PALLD: variants seen among roughly 807,000 people sequenced by gnomAD.
PALLD encodes the protein palladin.
PALLD carries 61 observed loss-of-function variants against 123.5 expected under a neutral mutation model. The observed-to-expected ratio is 0.49, with a 90% confidence interval of 0.40 to 0.61. PALLD has a LOEUF of 0.61. PALLD is among the 20% of genes least tolerant of loss of function. The probability of loss-of-function intolerance (pLI) is 0.00; values close to 1 mark genes in which losing one functional copy is unlikely to be tolerated. For synonymous variants in PALLD, 465 were observed against 496.4 expected (o/e 0.94, Z 0.84); for missense variants, 1,273 against 1,377.0 (o/e 0.92, Z 1.20).
At chr4:168,893,520 A>G (rs6841105) in intron 11 of PALLD, among the ~76,000 whole-genome samples, 105,626 of 151,674 alleles carry the variant, frequency 0.7, 38,148 homozygotes, top group East Asian at 0.96. Context: ...GCTTCCAATC[A>G]AATTTGCATT....
intron 6 of PALLD, chr4:168,686,596 T>G (rs1183429475): frequency 6.6e-6 from 1 of 152,364 alleles, no homozygotes; most frequent in African/African-American, 2.4e-5. Context: ...ATAGTGTATA[T>G]GAGCCACATT....
intron 10 of PALLD, among the ~76,000 whole-genome samples, chr4:168,758,347 G>T (rs1388352803): frequency 6.6e-6 from 1 of 152,140 alleles, no homozygotes; most frequent in Admixed American, 6.5e-5. Flanking sequence ...TTCCCATACA[G>T]ATCCAAAATG....
intron 2 of PALLD, among the ~76,000 whole-genome samples, chr4:168,518,223 C>T (rs1763184423): frequency 6.6e-6 from 1 of 152,184 alleles, no homozygotes; most frequent in South Asian, 2.1e-4. Context: ...CTGACCACTT[C>T]ACCCCACCTC....
At chr4:168,592,011 A>T in intron 2 of PALLD, among the ~76,000 whole-genome samples, 1 of 140,128 alleles carries the variant, frequency 7.1e-6, no homozygotes, top group East Asian at 2.1e-4. Flanking sequence ...TCTTAGTACT[A>T]TTATGGATTT....
In PALLD at chr4:168,787,886, T is replaced by C. The variant is rs570726394; in HGVS notation, c.1964+75963T>C. Among the ~76,000 whole-genome samples, 14 of 152,352 alleles carry C rather than the reference T, an allele frequency of 9.2e-5. No homozygotes were observed. In the South Asian group the frequency reaches 1.0e-3, roughly 11 times the overall value. On this transcript the variant is annotated intron_variant, in intron 10 of 21. Transcript: ENST00000505667. ...TCAAAGGGCCAACATTACACACTTA[T>C]GTATGTTTATATAAATTTGGTTAAA... is the stretch of plus-strand genomic sequence containing the variant.
At chr4:168,636,925 G>A (rs919197632) in intron 2 of PALLD, among the ~76,000 whole-genome samples, 4 of 152,096 alleles carry the variant, frequency 2.6e-5, no homozygotes, top group Admixed American at 2.6e-4. Flanking sequence ...TCAGCCCTGA[G>A]ATCAATATCT....
chr4:168,658,075 A>G (rs1778760128), intron 2 of PALLD, among the ~76,000 whole-genome samples: 1 of 152,152 alleles, frequency 6.6e-6, no homozygotes, highest in African/African-American at 2.4e-5. Flanking sequence ...CAAAACAACG[A>G]CGAACCCCAG....
chr4:168,602,570 C>G (rs1374396976), intron 2 of PALLD, among the ~76,000 whole-genome samples: 1 of 152,206 alleles, frequency 6.6e-6, no homozygotes, highest in Non-Finnish European at 1.5e-5. Flanking sequence ...GCAGGCTGAA[C>G]TCTAGCTCTG....
chr4:168,597,670 T>C lies in PALLD; in HGVS notation c.909-70520T>C, dbSNP rs951597735. Among the ~76,000 whole-genome samples the C allele has an allele frequency of 2.6e-5, 4 of 152,128 alleles. No homozygotes were observed. In the South Asian group the frequency reaches 8.3e-4, roughly 31 times the overall value. ...GGTTGGTCAAAAGAAAATTTTTTAT[T>C]TTTGATATTTGAAAAAGTTTCTTTT... is the stretch of plus-strand genomic sequence containing the variant. On this transcript the variant is annotated intron_variant, in intron 2 of 21. Coordinates refer to ENST00000505667, the MANE Select transcript of PALLD (RefSeq NM_001166108.2).
At chr4:168,639,780 G>A (rs183374419) in intron 2 of PALLD, among the ~76,000 whole-genome samples, 34 of 152,118 alleles carry the variant, frequency 2.2e-4, no homozygotes, top group Admixed American at 4.6e-4. Context: ...TTCTGACCTC[G>A]TGATCCGCCC....
intron 10 of PALLD, among the ~76,000 whole-genome samples, chr4:168,806,286 A>T (rs1354317890): frequency 6.6e-6 from 1 of 151,708 alleles, no homozygotes. Flanking sequence ...CTGGTCTCAA[A>T]CTCCTGACTT....
chr4:168,690,576 T>C (rs1157357933), intron 6 of PALLD, 27 bp from the exon 7 acceptor site: 1 of 1,613,922 alleles, frequency 6.2e-7, no homozygotes, highest in African/African-American at 1.3e-5. Context: ...TCTGATGGGG[T>C]TTTCCTTGAA....
chr4:168,632,754 A>G (rs998997973), intron 2 of PALLD, among the ~76,000 whole-genome samples: 1 of 152,234 alleles, frequency 6.6e-6, no homozygotes, highest in Non-Finnish European at 1.5e-5. Context: ...TGACGCTTAT[A>G]AATATTCAAT....
chr4:168,669,305 C>CTGGCA (rs1779948464), intron 3 of PALLD, among the ~76,000 whole-genome samples: 1 of 152,300 alleles, frequency 6.6e-6, no homozygotes, highest in East Asian at 1.9e-4. Context: ...GTAGCTCATG[C>CTGGCA]CTGTAATCCC....
At chr4:168,660,238 T>A (rs1778999511) in intron 2 of PALLD, among the ~76,000 whole-genome samples, 1 of 152,142 alleles carries the variant, frequency 6.6e-6, no homozygotes, top group Non-Finnish European at 1.5e-5. Flanking sequence ...ACTGGTGGTT[T>A]TCAAGGACAG....
At chr4:168,696,401 A>C (rs1161014496) in intron 8 of PALLD, among the ~76,000 whole-genome samples, 1 of 152,086 alleles carries the variant, frequency 6.6e-6, no homozygotes, top group Non-Finnish European at 1.5e-5. Flanking sequence ...TCTTATAAAG[A>C]TGCCACTTAG....
chr4:168,877,958 C>T lies in PALLD; in HGVS notation c.1965-12964C>T, dbSNP rs1752004838. 4.7e-6 allele frequency: 7 copies of T among 1,502,424 alleles called. No homozygotes were observed. In the East Asian group the frequency reaches 1.9e-4, roughly 41 times the overall value. 93.1% of individuals were successfully genotyped at this position (1,502,424 alleles called of 1,614,324 possible). Reference sequence around the variant, plus strand: ...CTCCGGCTCCTTCAACTACGCGCGCCCCAAGCAGTTCATCGCCGCGCAGAA... The same window carrying T: ...CTCCGGCTCCTTCAACTACGCGCGCTCCAAGCAGTTCATCGCCGCGCAGAA... On this transcript the variant is annotated intron_variant, in intron 10 of 21. Transcript: ENST00000505667.
chr4:168,658,287 T>TTTTTG (rs1554058162), intron 2 of PALLD, among the ~76,000 whole-genome samples: 2 of 144,422 alleles, frequency 1.4e-5, no homozygotes, highest in Non-Finnish European at 1.5e-5. Context: ...TTTATTTGGT[T>TTTTTG]TTTTTTTTTT....
intron 10 of PALLD, among the ~76,000 whole-genome samples, chr4:168,850,578 A>G (rs1747625205): frequency 1.0e-5 from 1 of 100,054 alleles, no homozygotes; most frequent in Non-Finnish European, 1.8e-5. Context: ...TTTGTTGCCC[A>G]GGCTGGAGTG....
Sources: allele counts gnomAD v4.1 joint callset (sites outside exome capture counted in the v4.1 genomes callset), GRCh38; gene constraint gnomAD v4.1.1; transcripts MANE v1.5; gene names NCBI Gene and HGNC (gene_info 2026-07-23, HGNC 2026-07-21).